The following RASGRF2 variants were observed in gnomAD, a reference collection of about 807,000 sequenced individuals.
RASGRF2 encodes Ras protein specific guanine nucleotide releasing factor 2.
In RASGRF2, 76 loss-of-function variants were observed where a neutral mutation model predicts 151.0. The ratio of observed to expected loss-of-function variants is 0.50; its 90% CI spans 0.42 to 0.61. RASGRF2 has a LOEUF of 0.61. RASGRF2 is among the 20% of genes least tolerant of loss of function. The probability of loss-of-function intolerance (pLI) is 0.00; values close to 1 mark genes in which losing one functional copy is unlikely to be tolerated. For synonymous variants in RASGRF2, 504 were observed against 566.5 expected, an observed-to-expected ratio of 0.89 and a Z score of 1.57; for missense variants, 1,148 against 1,564.6, an observed-to-expected ratio of 0.73 and a Z score of 4.49.
chr5:81,194,841 G>A (rs78549721), intron 18 of RASGRF2, among the ~76,000 whole-genome samples: 1,673 of 152,202 alleles, frequency 0.011, 30 homozygotes, highest in African/African-American at 0.038. Flanking sequence ...CTGCTGCTCC[G>A]CCTCCACTGC....
intron 2 of RASGRF2, 48 bp downstream of exon 2, chr5:81,043,031 A>T (rs2112394861): frequency 7.1e-7 from 1 of 1,416,060 alleles, no homozygotes; most frequent in South Asian, 1.2e-5. Flanking sequence ...TGGGTCCTGC[A>T]TTGGGGTTAT....
At chr5:81,090,549 C>T (rs974829564) in intron 9 of RASGRF2, among the ~76,000 whole-genome samples, 1 of 152,134 alleles carries the variant, frequency 6.6e-6, no homozygotes, top group Non-Finnish European at 1.5e-5. Context: ...ATGATTATTT[C>T]ACAAACCATA....
At chr5:81,035,526 G>T (rs1750456652) in intron 1 of RASGRF2, among the ~76,000 whole-genome samples, 1 of 151,994 alleles carries the variant, frequency 6.6e-6, no homozygotes, top group Admixed American at 6.6e-5. Flanking sequence ...ACAAGTTAAT[G>T]GGTGCAGCAC....
intron 2 of RASGRF2, 86 bp downstream of exon 2, chr5:81,043,069 T>C: frequency 2.0e-6 from 2 of 1,004,076 alleles, no homozygotes; most frequent in Non-Finnish European, 3.0e-6. Context: ...TTGGAAGAAC[T>C]TGCAACTCTA....
chr5:81,043,006 T>C, intron 2 of RASGRF2, 23 bp downstream of exon 2: 1 of 1,555,398 alleles, frequency 6.4e-7, no homozygotes, highest in Non-Finnish European at 8.8e-7. Flanking sequence ...TCTTCCTGTG[T>C]AGTACTTGAT....
At chr5:81,171,930 C>T (rs1269228964) in intron 17 of RASGRF2, among the ~76,000 whole-genome samples, 1 of 152,148 alleles carries the variant, frequency 6.6e-6, no homozygotes, top group Non-Finnish European at 1.5e-5. Flanking sequence ...TCTATACGAG[C>T]ATAAAAGCTG....
intron 26 of RASGRF2, among the ~76,000 whole-genome samples, chr5:81,220,282 C>T (rs767614462): frequency 2.4e-4 from 36 of 152,086 alleles, no homozygotes; most frequent in Non-Finnish European, 5.9e-5. Flanking sequence ...CATCATATAC[C>T]GCCTTACTGT....
intron 17 of RASGRF2, among the ~76,000 whole-genome samples, chr5:81,134,452 G>C (rs1753705707): frequency 6.6e-6 from 1 of 152,130 alleles, no homozygotes. Flanking sequence ...TGAGAGCTCA[G>C]CTGGTGCACT....
At chr5:81,219,941 A>G (rs1561266262) in intron 26 of RASGRF2, 163 bp downstream of exon 26, 1 of 553,780 alleles carries the variant, frequency 1.8e-6, no homozygotes, top group South Asian at 2.7e-5. Flanking sequence ...AAAAAAAAAA[A>G]GAACATCAAT....
intron 1 of RASGRF2, among the ~76,000 whole-genome samples, chr5:81,039,863 G>A (rs74960918): frequency 0.015 from 2,266 of 152,104 alleles, 59 homozygotes; most frequent in African/African-American, 0.053. Context: ...TTTTATTTTT[G>A]TGTAATCAAA....
In RASGRF2 at chr5:81,112,615, A is replaced by T. The variant is rs1753028170; in HGVS notation, c.1844A>T (p.Asp615Val). Residue 615 changes from aspartate to valine, a missense_variant, in exon 14 of 27, where the codon GAT (aspartate) becomes GTT (valine). Transcript: ENST00000265080. ...KVTVPHMIKS[D>V]ARLHKDDTDI... Reference sequence around the variant, plus strand: ...GTTCCTGCCTTTGCACGTAGGTCTGATGCCCGTCTTCATAAAGACGACACT... The same window carrying T: ...GTTCCTGCCTTTGCACGTAGGTCTGTTGCCCGTCTTCATAAAGACGACACT... 6.2e-7 allele frequency: 1 copy of T among 1,614,134 alleles called. No homozygotes were observed. Among genetic ancestry groups the T allele is most frequent in the Non-Finnish European group, 8.5e-7 (1 of 1,180,018 alleles).
intron 5 of RASGRF2, among the ~76,000 whole-genome samples, chr5:81,074,684 A>G (rs1469529355): frequency 6.6e-6 from 1 of 152,226 alleles, no homozygotes; most frequent in African/African-American, 2.4e-5. Context: ...AGAGCATTCT[A>G]TTAAAAAAAA....
rs138037461 is a variant in RASGRF2, at chr5:81,124,326, C to T, written c.2596+559C>T. Reference sequence around the variant, plus strand: ...GAGAAGATGTCATTAGTCTAACCAACATTTGTTTAGTTCCATCATTGCATT... The same window carrying T: ...GAGAAGATGTCATTAGTCTAACCAATATTTGTTTAGTTCCATCATTGCATT... On this transcript the variant is annotated intron_variant, in intron 16 of 26. Coordinates refer to ENST00000265080, the MANE Select transcript of RASGRF2 (RefSeq NM_006909.3). 4.4e-4 allele frequency among the ~76,000 whole-genome samples: 67 copies of T among 152,300 alleles called. 1 individual carries two copies. In the East Asian group the frequency reaches 0.012, roughly 26 times the overall value.
intron 2 of RASGRF2, among the ~76,000 whole-genome samples, chr5:81,057,345 A>C (rs1022304604): frequency 5.9e-5 from 9 of 152,150 alleles, no homozygotes; most frequent in African/African-American, 2.2e-4. Flanking sequence ...ATACGTCCTC[A>C]GTCAAAATAA....
At position 81,094,345 on chromosome 5, in the gene RASGRF2, A is replaced by T; in HGVS notation, c.1601A>T (p.Asp534Val). ...GACTGCACATTGATTGAGGAGCCAG[A>T]TGCAAGCGATGATGACTGTAAGTCA... ...LIDCTLIEEP[D>V]ASDDDSKGSG... The change falls in exon 11 of 27, where the codon GAT (aspartate) becomes GTT (valine). Residue 534 changes from aspartate (D) to valine (V), a missense_variant. Coordinates refer to ENST00000265080, the MANE Select transcript of RASGRF2 (RefSeq NM_006909.3). 6.2e-7 allele frequency: 1 copy of T among 1,613,112 alleles called. No individual in the cohort carries two copies. Among genetic ancestry groups the T allele is most frequent in the Non-Finnish European group, 8.5e-7 (1 of 1,179,712 alleles).
chr5:81,188,846 G>A (rs1308863295), intron 18 of RASGRF2, among the ~76,000 whole-genome samples: 1 of 152,132 alleles, frequency 6.6e-6, no homozygotes, highest in Non-Finnish European at 1.5e-5. Flanking sequence ...GTTTTTGCCG[G>A]GAACCCCCAA....
chr5:81,030,906 T>C (rs1403050254), intron 1 of RASGRF2, among the ~76,000 whole-genome samples: 2 of 152,012 alleles, frequency 1.3e-5, no homozygotes, highest in Non-Finnish European at 2.9e-5. Context: ...AGGAGACCCA[T>C]CTCACGTGCA....
intron 1 of RASGRF2, among the ~76,000 whole-genome samples, chr5:80,965,217 C>T (rs927964594): frequency 3.9e-5 from 6 of 151,992 alleles, no homozygotes; most frequent in Non-Finnish European, 8.8e-5. Context: ...GAGCTGCGTG[C>T]GAACTCTGAA....
At chr5:81,149,431 G>T (rs1754082595) in intron 17 of RASGRF2, among the ~76,000 whole-genome samples, 1 of 151,896 alleles carries the variant, frequency 6.6e-6, no homozygotes, top group Non-Finnish European at 1.5e-5. Context: ...AAGCCATGAG[G>T]ATGCAAAGGC....
Sources: allele counts gnomAD v4.1 joint callset (sites outside exome capture counted in the v4.1 genomes callset), GRCh38; gene constraint gnomAD v4.1.1; transcripts MANE v1.5; gene names NCBI Gene and HGNC (gene_info 2026-07-23, HGNC 2026-07-21).